Variants in COL4A2 observed in about 807,000 individuals in gnomAD.
The protein encoded by COL4A2 is collagen type IV alpha 2 chain.
A neutral mutation model predicts 200.2 loss-of-function variants in COL4A2; 99 were observed. The observed-to-expected ratio is 0.49, with a 90% CI of 0.42 to 0.58. COL4A2 has a LOEUF of 0.58. Among genes scored for constraint, COL4A2 ranks in the 20% least tolerant of loss-of-function variants. The pLI is 0.00. For missense variants in COL4A2, 1,950 were observed against 2,314.1 expected (o/e 0.84, Z 3.23); for synonymous variants, 897 against 900.6 (o/e 1.00, Z 0.07).
At chr13:110,323,917 A>T (rs1294657113) in intron 3 of COL4A2, among the ~76,000 whole-genome samples, 1 of 152,224 alleles carries the variant, frequency 6.6e-6, no homozygotes, top group Non-Finnish European at 1.5e-5. Flanking sequence ...CTGAGTGCGA[A>T]AGGCATGGCC....
intron 33 of COL4A2, 46 bp downstream of exon 33, chr13:110,485,073 C>T: frequency 6.7e-7 from 1 of 1,485,202 alleles, no homozygotes. Context: ...CCCTGCCGCC[C>T]CAGCCCGCAC....
chr13:110,448,406 G>A (rs1293442754), intron 18 of COL4A2, among the ~76,000 whole-genome samples: 1 of 152,156 alleles, frequency 6.6e-6, no homozygotes. Context: ...ATTCAGAAAT[G>A]CGGAGGTTGC....
rs1018349103 is a variant in COL4A2, at chr13:110,443,918, T to C, written c.958-1911T>C. On this transcript the variant is annotated intron_variant, in intron 16 of 47. Transcript: ENST00000360467. ...AAAAGTTTTGATCGTCATTTTGACT[T>C]AGGGTTCCCGCCTATCTGGGTTTCA... Among the ~76,000 whole-genome samples the C allele has an allele frequency of 2.6e-5, 4 of 152,318 alleles. No individual in the cohort carries two copies. In the East Asian group the frequency reaches 7.7e-4, roughly 29 times the overall value.
intron 7 of COL4A2, among the ~76,000 whole-genome samples, 154 bp from the exon 8 acceptor site, chr13:110,429,731 G>T (rs1227042985): frequency 6.6e-6 from 1 of 152,212 alleles, no homozygotes; most frequent in African/African-American, 2.4e-5. Flanking sequence ...GCTGAATATA[G>T]GGTTGGTGTT....
intron 3 of COL4A2, among the ~76,000 whole-genome samples, chr13:110,339,456 C>T (rs1876354087): frequency 6.6e-6 from 1 of 152,112 alleles, no homozygotes; most frequent in South Asian, 2.1e-4. Context: ...CCTTGGAAGC[C>T]TGGCCGGTCA....
rs1030567367 is a variant in COL4A2, at chr13:110,434,589, G to A, written c.726+147G>A. 5.0e-6 allele frequency: 4 copies of A among 801,944 alleles called. No homozygotes were observed. The East Asian group carries it at 1.1e-4, about 21-fold the overall frequency. 49.7% of individuals were successfully genotyped at this position (801,944 alleles called of 1,614,324 possible). Reference sequence around the variant, plus strand: ...CCATTTGCATAGGGAAATAATCATTGCAAAGTGCTAGGTTGTCACCTACAT... The same window carrying A: ...CCATTTGCATAGGGAAATAATCATTACAAAGTGCTAGGTTGTCACCTACAT... On this transcript the variant is annotated intron_variant, in intron 12 of 47. Transcript: ENST00000360467.
intron 3 of COL4A2, among the ~76,000 whole-genome samples, chr13:110,328,744 C>T (rs1239100591): frequency 2.0e-5 from 3 of 152,186 alleles, no homozygotes; most frequent in Admixed American, 6.5e-5. Flanking sequence ...GAGAGACGGG[C>T]GGGCTCCGTC....
intron 25 of COL4A2, 119 bp downstream of exon 25, chr13:110,465,725 T>C: frequency 9.9e-7 from 1 of 1,014,162 alleles, no homozygotes; most frequent in Non-Finnish European, 1.4e-6. Context: ...TCATCTGTTC[T>C]CGCACGTACA....
intron 3 of COL4A2, among the ~76,000 whole-genome samples, chr13:110,329,033 C>G (rs1327774656): frequency 2.0e-5 from 3 of 152,132 alleles, no homozygotes; most frequent in African/African-American, 7.2e-5. Flanking sequence ...GTCCTGTATT[C>G]TGGCGAAAAA....
At position 110,496,943 on chromosome 13, in the gene COL4A2, A is replaced by G. The variant is rs536265718; in HGVS notation, c.3760+1476A>G. 1.9e-4 allele frequency among the ~76,000 whole-genome samples: 24 copies of G among 126,810 alleles called. No individual in the cohort carries two copies. In the East Asian group the frequency reaches 6.0e-3, roughly 32 times the overall value. The allele number at this position is 126,810 out of a possible 152,430, so 83.2% of individuals were successfully genotyped here. On this transcript the variant is annotated intron_variant, in intron 40 of 47. Transcript: ENST00000360467. ...CAGCACAGCCTCAGTCGGGGTGAAGATCTAGGGTTAGCATACCAGCACAGC... is the reference window on the plus strand; with the variant it reads ...CAGCACAGCCTCAGTCGGGGTGAAGGTCTAGGGTTAGCATACCAGCACAGC...
chr13:110,373,939 C>T (rs139245087), intron 4 of COL4A2, among the ~76,000 whole-genome samples: 19 of 152,350 alleles, frequency 1.2e-4, no homozygotes, highest in South Asian at 4.1e-4. Context: ...CCTGTGCAGC[C>T]GTGGCCAGTT....
chr13:110,433,058 A>G (rs1191852402), intron 11 of COL4A2, among the ~76,000 whole-genome samples: 1 of 152,266 alleles, frequency 6.6e-6, no homozygotes, highest in Non-Finnish European at 1.5e-5. Flanking sequence ...GGAAGCATCT[A>G]GGAACGTTTC....
At chr13:110,486,088 A>G (rs1883111842) in intron 34 of COL4A2, among the ~76,000 whole-genome samples, 1 of 152,070 alleles carries the variant, frequency 6.6e-6, no homozygotes, top group South Asian at 2.1e-4. Flanking sequence ...TGTTGTCTGC[A>G]TTTTTCATGG....
intron 3 of COL4A2, among the ~76,000 whole-genome samples, chr13:110,328,016 AT>A (rs1238061705): frequency 2.6e-5 from 4 of 152,360 alleles, no homozygotes; most frequent in African/African-American, 9.6e-5. Context: ...TTAACTCAAA[AT>A]CATACACCAC....
At chr13:110,465,891 C>T (rs2139504051) in intron 25 of COL4A2, 112 bp from the exon 26 acceptor site, 1 of 1,318,974 alleles carries the variant, frequency 7.6e-7, no homozygotes, top group South Asian at 1.5e-5. Flanking sequence ...GCCTTCCTGC[C>T]CCCACCAGCA....
chr13:110,393,268 T>G (rs1001295138), intron 4 of COL4A2, among the ~76,000 whole-genome samples: 3 of 152,176 alleles, frequency 2.0e-5, no homozygotes, highest in African/African-American at 7.2e-5. Context: ...AAACATAAAA[T>G]TAAAATATAA....
intron 24 of COL4A2, 160 bp downstream of exon 24, chr13:110,462,544 A>C: frequency 1.6e-6 from 1 of 633,782 alleles, no homozygotes; most frequent in East Asian, 2.8e-5. Context: ...AGCAGAAATC[A>C]GACTTTTTAG....
At chr13:110,432,393 AG>A in intron 11 of COL4A2, 33 bp downstream of exon 11, 1 of 1,592,152 alleles carries the variant, frequency 6.3e-7, no homozygotes, top group Non-Finnish European at 8.5e-7. Context: ...GGATGAGGGA[AG>A]GGGGTACTTA....
intron 31 of COL4A2, 94 bp downstream of exon 31, chr13:110,480,484 C>A: frequency 7.5e-7 from 1 of 1,341,286 alleles, no homozygotes; most frequent in Admixed American, 2.7e-5. Flanking sequence ...CCTCTGTGGG[C>A]CGTGGGGCTG....
Sources: allele counts gnomAD v4.1 joint callset (sites outside exome capture counted in the v4.1 genomes callset), GRCh38; gene constraint gnomAD v4.1.1; transcripts MANE v1.5; gene names NCBI Gene and HGNC (gene_info 2026-07-23, HGNC 2026-07-21).